Variants in PTPN9 observed in about 807,000 individuals in gnomAD.
PTPN9 encodes tyrosine-protein phosphatase non-receptor type 9.
A neutral mutation model predicts 69.8 loss-of-function variants in PTPN9; 26 were observed. The ratio of observed to expected loss-of-function variants is 0.37; its 90% confidence interval spans 0.27 to 0.52. PTPN9 has a LOEUF of 0.52. PTPN9 is among the 20% of genes least tolerant of loss of function. PTPN9 has a pLI of 0.91. For synonymous variants in PTPN9, 274 were observed against 272.5 expected (o/e 1.01, Z -0.05); for missense variants, 549 against 740.3 (o/e 0.74, Z 3.00).
Position 75,509,044 on chromosome 15 carries a change from T to A in PTPN9, c.529-17A>T, listed in dbSNP as rs370618189. On this transcript the variant is annotated splice_polypyrimidine_tract_variant and intron_variant, in intron 5 of 12. Transcript: ENST00000618819. Reference sequence around the variant, plus strand: ...AAATGCTCCCTGTGGAGAAAACACATGAGGATTTAAGTGTAATGGAACCTG... The same window carrying A: ...AAATGCTCCCTGTGGAGAAAACACAAGAGGATTTAAGTGTAATGGAACCTG... The A allele has an allele frequency of 1.2e-6, 2 of 1,601,806 alleles. No individual in the cohort carries two copies. The highest frequency in any genetic ancestry group is 8.6e-7 in the Non-Finnish European group (1 of 1,169,548).
intron 6 of PTPN9, among the ~76,000 whole-genome samples, chr15:75,508,059 A>G (rs1348442069): frequency 2.0e-5 from 3 of 151,548 alleles, no homozygotes; most frequent in African/African-American, 2.4e-5. Flanking sequence ...AAAAAAAAAA[A>G]AAAAAGAAAA....
At chr15:75,566,891 G>A (rs2075128677) in intron 1 of PTPN9, among the ~76,000 whole-genome samples, 1 of 152,148 alleles carries the variant, frequency 6.6e-6, no homozygotes, top group South Asian at 2.1e-4. Flanking sequence ...TCAGGAGGCT[G>A]AAGTGGGAGC....
At chr15:75,482,909 C>T (rs1257177087) in intron 8 of PTPN9, among the ~76,000 whole-genome samples, 5 of 151,682 alleles carry the variant, frequency 3.3e-5, no homozygotes, top group Admixed American at 2.0e-4. Flanking sequence ...GAGCTGAGAT[C>T]GTGCCACTGC....
At chr15:75,504,705 C>G (rs1261472210) in intron 7 of PTPN9, among the ~76,000 whole-genome samples, 4 of 146,300 alleles carry the variant, frequency 2.7e-5, no homozygotes, top group African/African-American at 1.0e-4. Flanking sequence ...GTCAGCCCCC[C>G]GCCCGGGAGG....
intron 1 of PTPN9, among the ~76,000 whole-genome samples, chr15:75,577,437 C>G (rs2075178724): frequency 6.6e-6 from 1 of 152,170 alleles, no homozygotes; most frequent in Non-Finnish European, 1.5e-5. Context: ...TATTAACATC[C>G]AACTGCAGTT....
chr15:75,567,712 T>C (rs1183654668), intron 1 of PTPN9, among the ~76,000 whole-genome samples: 2 of 152,100 alleles, frequency 1.3e-5, no homozygotes, highest in Non-Finnish European at 2.9e-5. Flanking sequence ...AAAAATGAAA[T>C]GCTGCCAGGC....
intron 1 of PTPN9, among the ~76,000 whole-genome samples, chr15:75,576,743 G>A (rs2075175578): frequency 6.6e-6 from 1 of 152,092 alleles, no homozygotes; most frequent in Admixed American, 6.6e-5. Context: ...TGGAGGCAGA[G>A]GTTGCAGTGA....
At chr15:75,498,389 G>A (rs989180231) in intron 7 of PTPN9, among the ~76,000 whole-genome samples, 1 of 151,906 alleles carries the variant, frequency 6.6e-6, no homozygotes, top group African/African-American at 2.4e-5. Context: ...GTTAGGAATG[G>A]GGAGGTGGTG....
intron 7 of PTPN9, among the ~76,000 whole-genome samples, chr15:75,504,853 G>A (rs1379856398): frequency 6.8e-6 from 1 of 146,462 alleles, no homozygotes; most frequent in African/African-American, 2.6e-5. Flanking sequence ...GAGGTGGGGG[G>A]GTCTGGCCAG....
chr15:75,512,426 T>C (rs2074849632), intron 5 of PTPN9, among the ~76,000 whole-genome samples: 1 of 152,112 alleles, frequency 6.6e-6, no homozygotes, highest in Non-Finnish European at 1.5e-5. Flanking sequence ...CTCCTGGCCT[T>C]AGGCAATTCT....
intron 7 of PTPN9, among the ~76,000 whole-genome samples, chr15:75,502,235 T>A (rs926633628): frequency 2.0e-5 from 3 of 152,020 alleles, no homozygotes; most frequent in African/African-American, 7.2e-5. Context: ...TCACCTGAGG[T>A]CAGGAGTTCA....
At chr15:75,531,246 T>A (rs773144853) in intron 1 of PTPN9, among the ~76,000 whole-genome samples, 4 of 151,544 alleles carry the variant, frequency 2.6e-5, no homozygotes, top group Non-Finnish European at 5.9e-5. Context: ...CTTACACCAT[T>A]GGAGAAGGAA....
At chr15:75,515,967 A>C (rs1416804669) in intron 5 of PTPN9, among the ~76,000 whole-genome samples, 1 of 152,060 alleles carries the variant, frequency 6.6e-6, no homozygotes, top group Admixed American at 6.6e-5. Flanking sequence ...GTACATAGAG[A>C]TATGCAGTAT....
intron 7 of PTPN9, among the ~76,000 whole-genome samples, chr15:75,504,215 G>C (rs1301410872): frequency 3.3e-5 from 4 of 119,452 alleles, no homozygotes; most frequent in East Asian, 2.7e-4. Context: ...GGTCGGGGGG[G>C]TCAGCCCCCC....
chr15:75,526,991 A>C, intron 2 of PTPN9, 127 bp downstream of exon 2: 6,223 of 861,760 alleles, frequency 7.2e-3, no homozygotes, highest in Non-Finnish European at 9.9e-3. Context: ...GCTCCTGGAT[A>C]TGGATCCATT....
intron 5 of PTPN9, among the ~76,000 whole-genome samples, chr15:75,515,904 CAT>C (rs1051928349): frequency 2.6e-5 from 4 of 151,342 alleles, no homozygotes; most frequent in African/African-American, 9.7e-5. Flanking sequence ...TCTCAAAAAA[CAT>C]AAAAATAAAA....
chr15:75,505,699 G>A lies in PTPN9; in HGVS notation c.944C>T (p.Pro315Leu). 2 of 1,614,008 alleles carry A rather than the reference G, an allele frequency of 1.2e-6. No homozygotes were observed. The highest frequency in any genetic ancestry group is 1.7e-6 in the Non-Finnish European group (2 of 1,179,974). ...CATGGAACAGTGGAAAGTGCCAACA[G>A]GGTTCTCACGACGAATGTCTTCATA... ...EEYEDIRRENPVGTFHCSMSP... is the reference protein window; with the variant it reads ...EEYEDIRRENLVGTFHCSMSP... The change falls in exon 7 of 13, where the codon CCT (proline) becomes CTT (leucine). Residue 315 changes from proline to leucine, a missense_variant. This residue lies in a region of PTPN9 where 457 missense variants were observed against 661.9 expected (regional missense o/e 0.69). Transcript: ENST00000618819.
At chr15:75,471,879 G>A (rs903556340) in intron 10 of PTPN9, among the ~76,000 whole-genome samples, 1 of 151,294 alleles carries the variant, frequency 6.6e-6, no homozygotes, top group African/African-American at 2.4e-5. Context: ...ACCACTTAAG[G>A]TTGCAGTGAG....
intron 1 of PTPN9, among the ~76,000 whole-genome samples, chr15:75,569,497 G>C (rs891727796): frequency 6.6e-6 from 1 of 151,918 alleles, no homozygotes; most frequent in African/African-American, 2.4e-5. Flanking sequence ...CTGAGGTCAG[G>C]AGTTCAAGAG....
Sources: gnomAD v4.1 joint callset for allele counts (sites outside exome capture counted in the v4.1 genomes callset) on GRCh38, gnomAD v4.1.1 for gene constraint, gnomAD v4.1.1 regional missense constraint, MANE v1.5 for transcripts, NCBI Gene and HGNC (gene_info 2026-07-23, HGNC 2026-07-21) for gene names.